The following TNR variants were observed in gnomAD, a reference collection of about 807,000 sequenced individuals.
The protein encoded by TNR is tenascin-R.
TNR carries 45 observed loss-of-function variants against 150.4 expected under a neutral mutation model. The observed-to-expected ratio is 0.30, with a 90% CI of 0.24 to 0.38. The LOEUF is 0.38. Among genes scored for constraint, TNR ranks in the 10% least tolerant of loss-of-function variants. The pLI, the probability that TNR is intolerant of heterozygous loss-of-function variation, is 1.00. For synonymous variants in TNR, 687 were observed against 678.4 expected, an observed-to-expected ratio of 1.01 and a Z score of -0.20; for missense variants, 1,544 against 1,759.1, an observed-to-expected ratio of 0.88 and a Z score of 2.19.
Position 175,677,439 on chromosome 1 carries a change from A to T in TNR, c.-165+65787T>A, listed in dbSNP as rs116760343. Among the ~76,000 whole-genome samples, 355 of 152,342 alleles carry T rather than the reference A, an allele frequency of 2.3e-3. 2 individuals carry two copies. The highest frequency in any genetic ancestry group is 8.1e-3 in the African/African-American group (336 of 41,582). ...GTGACTTTGCTTTCTGGAAGTAGCCACAGGAGGGAGAAGTCATCCTCACGA... is the reference window on the plus strand; with the variant it reads ...GTGACTTTGCTTTCTGGAAGTAGCCTCAGGAGGGAGAAGTCATCCTCACGA... On this transcript the variant is annotated intron_variant, in intron 1 of 22. Coordinates refer to ENST00000367674, the MANE Select transcript of TNR (RefSeq NM_003285.3).
At chr1:175,484,839 G>A (rs1215691523) in intron 2 of TNR, among the ~76,000 whole-genome samples, 1 of 152,178 alleles carries the variant, frequency 6.6e-6, no homozygotes, top group Non-Finnish European at 1.5e-5. Flanking sequence ...TCATCACTGA[G>A]AATAACCTGT....
intron 1 of TNR, among the ~76,000 whole-genome samples, chr1:175,694,736 T>C (rs1028343936): frequency 2.0e-5 from 3 of 152,140 alleles, no homozygotes. Context: ...CTATGGCTGG[T>C]GTTTTTATAA....
intron 1 of TNR, among the ~76,000 whole-genome samples, chr1:175,564,149 C>A (rs2102213013): frequency 6.6e-6 from 1 of 152,344 alleles, no homozygotes. Flanking sequence ...AAATCCCACT[C>A]TGCTCTCCAA....
intron 9 of TNR, among the ~76,000 whole-genome samples, chr1:175,375,613 G>A (rs1180718894): frequency 1.3e-5 from 2 of 152,096 alleles, no homozygotes; most frequent in Non-Finnish European, 2.9e-5. Flanking sequence ...GGAGAGTCAG[G>A]AAGGGCCTGG....
intron 1 of TNR, among the ~76,000 whole-genome samples, chr1:175,637,350 G>A (rs1262956666): frequency 6.6e-6 from 1 of 152,100 alleles, no homozygotes; most frequent in African/African-American, 2.4e-5. Context: ...GAGATAACAT[G>A]GATAATTAAA....
At position 175,573,991 on chromosome 1, in the gene TNR, G is replaced by C. The variant is rs530160500; in HGVS notation, c.-164-45622C>G. Among the ~76,000 whole-genome samples the C allele has an allele frequency of 1.8e-4, 28 of 152,302 alleles. No homozygotes were observed. In the East Asian group the frequency reaches 3.1e-3, roughly 17 times the overall value. ...GCATATGGGATGGTTGGCCAAGGGG[G>C]CCCTTCCTTGGATATGAGTTGGGAG... On this transcript the variant is annotated intron_variant, in intron 1 of 22. Transcript: ENST00000367674.
At chr1:175,374,826 GT>G (rs768113109) in intron 9 of TNR, among the ~76,000 whole-genome samples, 1 of 152,218 alleles carries the variant, frequency 6.6e-6, no homozygotes, top group Non-Finnish European at 1.5e-5. Flanking sequence ...TGAGAGCACG[GT>G]GCTCCTGTGA....
At chr1:175,523,370 C>G (rs543245178) in intron 2 of TNR, among the ~76,000 whole-genome samples, 1 of 152,186 alleles carries the variant, frequency 6.6e-6, no homozygotes, top group Non-Finnish European at 1.5e-5. Context: ...CTCAATTATT[C>G]ATGGTTTGAA....
At chr1:175,522,794 T>C (rs1304424397) in intron 2 of TNR, among the ~76,000 whole-genome samples, 1 of 152,230 alleles carries the variant, frequency 6.6e-6, no homozygotes, top group Non-Finnish European at 1.5e-5. Context: ...AAATTGTAAG[T>C]TCTGGTTCAC....
intron 2 of TNR, among the ~76,000 whole-genome samples, chr1:175,417,706 G>A (rs760995350): frequency 5.2e-4 from 79 of 151,972 alleles, no homozygotes; most frequent in Non-Finnish European, 9.7e-4. Flanking sequence ...AGTCACCTTT[G>A]AAAATTGTAC....
chr1:175,524,350 G>A (rs55873449), intron 2 of TNR, among the ~76,000 whole-genome samples: 2,493 of 152,204 alleles, frequency 0.016, 75 homozygotes, highest in African/African-American at 0.057. Context: ...GAAGTGAATG[G>A]AGAATGTTCT....
At chr1:175,622,955 T>C (rs1664028713) in intron 1 of TNR, among the ~76,000 whole-genome samples, 1 of 152,184 alleles carries the variant, frequency 6.6e-6, no homozygotes, top group Non-Finnish European at 1.5e-5. Flanking sequence ...ACCAGCCACA[T>C]TGGATTAAGA....
intron 2 of TNR, among the ~76,000 whole-genome samples, chr1:175,485,393 C>T (rs1657968564): frequency 6.6e-6 from 1 of 152,134 alleles, no homozygotes; most frequent in African/African-American, 2.4e-5. Flanking sequence ...ATCTCCCTGA[C>T]TTTATCCCTT....
At chr1:175,580,888 T>C (rs1344858374) in intron 1 of TNR, among the ~76,000 whole-genome samples, 1 of 152,140 alleles carries the variant, frequency 6.6e-6, no homozygotes, top group Non-Finnish European at 1.5e-5. Context: ...GGGGAGATCC[T>C]GTATATTCTT....
intron 8 of TNR, among the ~76,000 whole-genome samples, chr1:175,382,084 G>A (rs559858189): frequency 6.6e-6 from 1 of 152,264 alleles, no homozygotes; most frequent in African/African-American, 2.4e-5. Context: ...ACATGGCCAC[G>A]CTTCTGTACC....
At chr1:175,331,058 T>TTTCTTTC (rs1649798930) in intron 20 of TNR, among the ~76,000 whole-genome samples, 1 of 116,208 alleles carries the variant, frequency 8.6e-6, no homozygotes. Context: ...TCTTTCTTTC[T>TTTCTTTC]TTCTTTCTTT....
chr1:175,473,746 T>C (rs772117998), intron 2 of TNR, among the ~76,000 whole-genome samples: 3 of 152,244 alleles, frequency 2.0e-5, no homozygotes, highest in Non-Finnish European at 4.4e-5. Context: ...TTCCCTTTTA[T>C]GTGGGAGCAG....
At chr1:175,474,934 A>C (rs942272852) in intron 2 of TNR, among the ~76,000 whole-genome samples, 1 of 152,228 alleles carries the variant, frequency 6.6e-6, no homozygotes, top group African/African-American at 2.4e-5. Context: ...AACTGTTGTG[A>C]AGATTAAATT....
At chr1:175,641,011 A>G (rs1664641136) in intron 1 of TNR, among the ~76,000 whole-genome samples, 1 of 152,172 alleles carries the variant, frequency 6.6e-6, no homozygotes, top group Non-Finnish European at 1.5e-5. Context: ...TACATTATAC[A>G]TACTCTCACT....
Sources: gnomAD v4.1 joint callset for allele counts (sites outside exome capture counted in the v4.1 genomes callset) on GRCh38, gnomAD v4.1.1 for gene constraint, MANE v1.5 for transcripts, NCBI Gene and HGNC (gene_info 2026-07-23, HGNC 2026-07-21) for gene names.